Variants in DOK4 observed in about 807,000 individuals in gnomAD.
DOK4 encodes the protein docking protein 4.
Under a neutral mutation model 40.1 loss-of-function variants are expected in DOK4, and 26 were observed. That is an observed-to-expected ratio of 0.65 (90% CI 0.48 to 0.90). The LOEUF is 0.90. Ranked by LOEUF, DOK4 falls within the 40% of genes least tolerant of loss-of-function variation. The pLI is 0.00. For synonymous variants in DOK4, 179 were observed against 177.0 expected (o/e 1.01, Z -0.09); for missense variants, 392 against 437.2 (o/e 0.90, Z 0.92).
Position 57,479,688 on chromosome 16 carries a change from G to C in DOK4, c.-181C>G. On this transcript the variant is annotated splice_region_variant and 5_prime_UTR_variant, in exon 2 of 9. Transcript: ENST00000340099. The surrounding 1 kb of genome is among the most constrained non-coding windows in gnomAD (Gnocchi z 5.8). ...CTAGCAGCTCCTTCGCCCCGCGCCTGCTGGAAATAAAAATGACAGGGAGAT... is the reference window on the plus strand; with the variant it reads ...CTAGCAGCTCCTTCGCCCCGCGCCTCCTGGAAATAAAAATGACAGGGAGAT... The C allele has an allele frequency of 1.8e-6, 1 of 552,150 alleles. No homozygotes were observed. The highest frequency in any genetic ancestry group is 3.2e-5 in the East Asian group (1 of 31,404). The allele number at this position is 552,150 out of a possible 1,614,324, so 34.2% of individuals were successfully genotyped here.
intron 3 of DOK4, 69 bp downstream of exon 3, chr16:57,475,777 CCTCT>C (rs2031147826): frequency 1.5e-6 from 2 of 1,315,660 alleles, no homozygotes; most frequent in Middle Eastern, 3.7e-4. Context: ...CCCTCTCTCC[CCTCT>C]CTCCCTCTCT....
chr16:57,478,105 T>C (rs1682253646), intron 2 of DOK4, among the ~76,000 whole-genome samples: 2 of 152,230 alleles, frequency 1.3e-5, no homozygotes, highest in South Asian at 4.1e-4. Flanking sequence ...AAGCGAAGCC[T>C]CTGCTTCCTT....
intron 1 of DOK4, among the ~76,000 whole-genome samples, chr16:57,484,770 C>G (rs1250982762): frequency 1.3e-5 from 2 of 152,238 alleles, no homozygotes; most frequent in Non-Finnish European, 2.9e-5. Context: ...ACTACCCTCA[C>G]CAAAGGACCC....
rs372867247 is a variant in DOK4 at position 57,479,483 on chromosome 16, C to T, written c.25G>A (p.Val9Ile). ...TTCATCTTCACGTAGCCTTGCTTGA[C>T]GATGTCACTGAAATTGGTCGCCATG... The change falls in exon 2 of 9, where the codon GTC (valine) becomes ATC (isoleucine). Residue 9 changes from valine (V) to isoleucine (I), a missense_variant. By Grantham distance (29) the Val-to-Ile change is conservative. Transcript: ENST00000340099. This position sits in a 1 kb window ranked among gnomAD's most constrained non-coding sequence, Gnocchi z 5.8. The T allele has an allele frequency of 2.5e-5, 40 of 1,613,680 alleles. No individual in the cohort carries two copies. The highest frequency in any genetic ancestry group is 3.2e-5 in the Non-Finnish European group (38 of 1,179,950).
exon 6 of DOK4, chr16:57,474,814 C>A (rs934305263): frequency 6.2e-7 from 1 of 1,613,966 alleles, no homozygotes; most frequent in Admixed American, 1.7e-5. Flanking sequence ...GAAGGTAAAG[C>A]GTGTGGCATC....
rs753417456 is a variant in DOK4, at chr16:57,473,415, G to A, written c.943C>T (p.Gln315Ter). The A allele has an allele frequency of 6.2e-7, 1 of 1,614,158 alleles. No homozygotes were observed. The highest frequency in any genetic ancestry group is 1.1e-5 in the South Asian group (1 of 91,072). The change falls in exon 9 of 9, where the codon CAG becomes TAG. Residue 315 changes from glutamine to a stop codon, truncating the protein, a stop_gained. Coordinates refer to ENST00000340099, the Ensembl canonical transcript of DOK4. LOFTEE classifies it high-confidence loss of function. ...GTCTTGGCCTCACTGCTGTCCCCCT[G>A]GCTGGGCTTTGGCTTTAGCAGGATG... is the stretch of plus-strand genomic sequence containing the variant.
chr16:57,472,056 C>G (rs535588697), exon 9 of DOK4: 1 of 152,910 alleles, frequency 6.5e-6, no homozygotes, highest in African/African-American at 2.4e-5. Context: ...AGCTCTGCCT[C>G]CCTCCCCAAA....
At chr16:57,478,969 C>T (rs2031303759) in intron 2 of DOK4, among the ~76,000 whole-genome samples, 1 of 152,012 alleles carries the variant, frequency 6.6e-6, no homozygotes, top group Admixed American at 6.6e-5. Context: ...GGAAAGCAGT[C>T]AGAAGCAAGG....
At chr16:57,475,309 G>A in intron 4 of DOK4, 90 bp from the exon 5 acceptor site, 3 of 1,554,380 alleles carry the variant, frequency 1.9e-6, no homozygotes, top group East Asian at 2.2e-5. Flanking sequence ...TGCACAGCAG[G>A]GAGGGTAAGG....
intron 6 of DOK4, 96 bp downstream of exon 6, chr16:57,474,697 A>G (rs1412248251): frequency 4.1e-6 from 6 of 1,458,458 alleles, no homozygotes; most frequent in Non-Finnish European, 5.6e-6. Context: ...TAGGCCAATA[A>G]GTAAACCAAG....
chr16:57,478,236 T>C (rs1244826314), intron 2 of DOK4, among the ~76,000 whole-genome samples: 2 of 152,118 alleles, frequency 1.3e-5, no homozygotes, highest in African/African-American at 4.8e-5. Flanking sequence ...CTCAACTAGG[T>C]TGAGCCCCAG....
In DOK4 at chr16:57,479,847, C is replaced by T. The variant is rs775353308; in HGVS notation, c.-181-159G>A. ...TCTTCCTTCCCTTCCCTCCCCACCC[C>T]AGGACGACAGAACCATTCAGGAAAA... On this transcript the variant is annotated intron_variant, in intron 1 of 8. Coordinates refer to ENST00000340099, the Ensembl canonical transcript of DOK4. This position sits in a 1 kb window ranked among gnomAD's most constrained non-coding sequence, Gnocchi z 5.8. The T allele has an allele frequency of 1.7e-4, 43 of 255,982 alleles. No homozygotes were observed. The Middle Eastern group carries it at 5.0e-3, about 30-fold the overall frequency. 15.9% of individuals were successfully genotyped at this position (255,982 alleles called of 1,614,324 possible). A position where few individuals can be genotyped will look rare whatever the true frequency, so the allele number is the denominator to read the frequency against.
At chr16:57,481,511 C>T (rs1659509004) in intron 1 of DOK4, 1 of 152,418 alleles carries the variant, frequency 6.6e-6, no homozygotes, top group Non-Finnish European at 1.5e-5. Context: ...TCTGTCTTCA[C>T]CGCCTGCCTC....
At chr16:57,482,711 T>C (rs2031451178) in intron 1 of DOK4, among the ~76,000 whole-genome samples, 1 of 152,138 alleles carries the variant, frequency 6.6e-6, no homozygotes, top group African/African-American at 2.4e-5. Flanking sequence ...GGTCTTGAAC[T>C]CCTGGGGTCA....
intron 6 of DOK4, 41 bp from the exon 7 acceptor site, chr16:57,474,080 C>A (rs780287851): frequency 4.1e-5 from 66 of 1,610,120 alleles, no homozygotes; most frequent in Non-Finnish European, 5.4e-5. Context: ...GGGGACCCAC[C>A]ACAGACATGC....
At position 57,479,553 on chromosome 16, in the gene DOK4, G is replaced by A. The variant is rs565895724; in HGVS notation, c.-46C>T. ...GCGCGGGGCCTGGCAGAGGCGAGGGGAAGGATGCCCAGGTGCCTGGGTCTC... is the reference window on the plus strand; with the variant it reads ...GCGCGGGGCCTGGCAGAGGCGAGGGAAAGGATGCCCAGGTGCCTGGGTCTC... On this transcript the variant is annotated 5_prime_UTR_variant, in exon 2 of 9. Coordinates refer to ENST00000340099, the Ensembl canonical transcript of DOK4. This position sits in a 1 kb window ranked among gnomAD's most constrained non-coding sequence, Gnocchi z 5.8. 7 of 1,606,134 alleles carry A rather than the reference G, an allele frequency of 4.4e-6. No homozygotes were observed. In the South Asian group the frequency reaches 6.6e-5, roughly 15 times the overall value.
chr16:57,473,541 A>G, intron 8 of DOK4, 46 bp from the exon 9 acceptor site: 1 of 1,613,744 alleles, frequency 6.2e-7, no homozygotes, highest in African/African-American at 1.3e-5. Flanking sequence ...AGGTCAAAAG[A>G]CCCCTGCCCA....
Position 57,479,509 on chromosome 16 carries a change from G to A in DOK4, c.-2C>T. Reference sequence around the variant, plus strand: ...GATGTCACTGAAATTGGTCGCCATGGTTTTCCCACCTTTTAGGGGCGCGGG... The same window carrying A: ...GATGTCACTGAAATTGGTCGCCATGATTTTCCCACCTTTTAGGGGCGCGGG... On this transcript the variant is annotated 5_prime_UTR_variant, in exon 2 of 9. Coordinates refer to ENST00000340099, the Ensembl canonical transcript of DOK4. This position sits in a 1 kb window ranked among gnomAD's most constrained non-coding sequence, Gnocchi z 5.8. The A allele has an allele frequency of 2.5e-6, 4 of 1,613,586 alleles. No homozygotes were observed. Among genetic ancestry groups the A allele is most frequent in the Non-Finnish European group, 3.4e-6 (4 of 1,179,894 alleles).
intron 3 of DOK4, 63 bp downstream of exon 3, chr16:57,475,785 CCT>C (rs139126350): frequency 5.1e-3 from 6,489 of 1,260,496 alleles, no homozygotes; most frequent in Non-Finnish European, 5.6e-3. Context: ...CCCCTCTCTC[CCT>C]CTCTCTCTCT....
Sources: allele counts gnomAD v4.1 joint callset (sites outside exome capture counted in the v4.1 genomes callset), GRCh38; gene constraint gnomAD v4.1.1; non-coding constraint Gnocchi (gnomAD v3.1); transcripts MANE v1.5; gene names NCBI Gene and HGNC (gene_info 2026-07-23, HGNC 2026-07-21).